Variants in CLCN6 observed in about 807,000 individuals in gnomAD.
The protein encoded by CLCN6 is H(+)/Cl(-) exchange transporter 6.
In CLCN6, 70 loss-of-function variants were observed where a neutral mutation model predicts 109.8. The observed-to-expected ratio is 0.64, with a 90% CI of 0.53 to 0.78. The LOEUF (loss-of-function observed/expected upper bound fraction) is 0.78, where lower values mean the gene tolerates loss of function less well. Among genes scored for constraint, CLCN6 ranks in the 30% least tolerant of loss-of-function variants. The pLI is 0.00. For missense variants in CLCN6, 984 were observed against 1,142.3 expected (o/e 0.86, Z 2.00); for synonymous variants, 444 against 447.8 (o/e 0.99, Z 0.11).
At chr1:11,827,316 TG>T in intron 10 of CLCN6, 95 bp downstream of exon 10, 2 of 1,219,544 alleles carry the variant, frequency 1.6e-6, no homozygotes, top group Non-Finnish European at 1.1e-6. Context: ...TTGATGAGAC[TG>T]GGGGGTCAAC....
intron 17 of CLCN6, 28 bp from the exon 18 acceptor site, chr1:11,835,939 G>C (rs1157152380): frequency 6.2e-7 from 1 of 1,604,238 alleles, no homozygotes; most frequent in Non-Finnish European, 8.5e-7. Flanking sequence ...ACTGTCATGA[G>C]GCTGGATGAC....
chr1:11,834,390 C>T lies in CLCN6; in HGVS notation c.1681C>T (p.Leu561=). 1.2e-6 allele frequency: 2 copies of T among 1,613,932 alleles called. No homozygotes were observed. Among genetic ancestry groups the T allele is most frequent in the South Asian group, 1.1e-5 (1 of 91,046 alleles). Residue 561 remains leucine, a synonymous_variant, in exon 16 of 23, where the codon CTG becomes TTG. Coordinates refer to ENST00000346436, the MANE Select transcript of CLCN6 (RefSeq NM_001286.5). The surrounding 1 kb of genome is among the most constrained non-coding windows in gnomAD (Gnocchi z 4.5). ...ITYGLPIMVT[L]MVAKWTGDFF... ...CTACGGGCTCCCCATCATGGTCACA[C>T]TGATGGTGAGCACACTCCCTCCAGG...
At chr1:11,812,374 T>G (rs1644610169) in intron 2 of CLCN6, among the ~76,000 whole-genome samples, 1 of 152,192 alleles carries the variant, frequency 6.6e-6, no homozygotes, top group Non-Finnish European at 1.5e-5. Context: ...TCCAGGAACC[T>G]CCAAACGGTT....
rs1644840087 is a variant in CLCN6, at chr1:11,828,460, C to T, written c.957C>T (p.Cys319=). 6.2e-7 allele frequency: 1 copy of T among 1,614,090 alleles called. No homozygotes were observed. The highest frequency in any genetic ancestry group is 8.5e-7 in the Non-Finnish European group (1 of 1,179,998). ...PGLLNFGEFK[C]SDSDKKCHLW... The stretch of plus-strand genomic sequence containing the variant: ...CTCTCCCTTTCCCCTTCTCTCAGTG[C>T]TCTGACTCTGATAAAAAATGTCATC... The change falls in exon 12 of 23, where the codon TGC becomes TGT. Residue 319 remains cysteine (C), a splice_region_variant and synonymous_variant. Transcript: ENST00000346436.
intron 2 of CLCN6, among the ~76,000 whole-genome samples, chr1:11,814,104 A>G (rs932374074): frequency 4.6e-5 from 7 of 152,336 alleles, no homozygotes; most frequent in African/African-American, 1.7e-4. Flanking sequence ...GTCACTCATC[A>G]CATGTGTTTG....
At chr1:11,837,252 G>A in intron 19 of CLCN6, 91 bp from the exon 20 acceptor site, 1 of 1,585,842 alleles carries the variant, frequency 6.3e-7, no homozygotes, top group South Asian at 1.1e-5. Flanking sequence ...TGAGTTTCCT[G>A]GGAAAGTTGG....
chr1:11,828,947 G>A (rs1210748763), intron 12 of CLCN6, among the ~76,000 whole-genome samples: 1 of 152,190 alleles, frequency 6.6e-6, no homozygotes, highest in Non-Finnish European at 1.5e-5. Flanking sequence ...TATTATAATG[G>A]AAAGCCATTC....
At chr1:11,838,791 C>A in intron 22 of CLCN6, 131 bp downstream of exon 22, 1 of 1,351,556 alleles carries the variant, frequency 7.4e-7, no homozygotes, top group Non-Finnish European at 1.1e-6. Context: ...CCAACACTAG[C>A]TTTGAACCCT....
intron 4 of CLCN6, among the ~76,000 whole-genome samples, chr1:11,817,458 A>G (rs899803705): frequency 1.3e-5 from 2 of 152,216 alleles, no homozygotes; most frequent in Non-Finnish European, 2.9e-5. Context: ...ATATGCCCGT[A>G]TGAACAGAGT....
intron 17 of CLCN6, among the ~76,000 whole-genome samples, chr1:11,835,381 T>G (rs1183469063): frequency 6.6e-6 from 1 of 152,176 alleles, no homozygotes. Flanking sequence ...CAAGCGATCC[T>G]CCACCTCAGC....
At chr1:11,831,982 A>G (rs1570536634) in intron 13 of CLCN6, among the ~76,000 whole-genome samples, 1 of 152,230 alleles carries the variant, frequency 6.6e-6, no homozygotes, top group Admixed American at 6.5e-5. Flanking sequence ...ACGTTCCTTT[A>G]GTACAGAACT....
intron 9 of CLCN6, 127 bp downstream of exon 9, chr1:11,826,341 G>A (rs1471208354): frequency 8.5e-5 from 64 of 755,678 alleles, no homozygotes; most frequent in Non-Finnish European, 1.4e-4. Flanking sequence ...AGAAGGGGGC[G>A]GGCTTTGAAC....
At chr1:11,832,087 C>A (rs1429476408) in intron 13 of CLCN6, among the ~76,000 whole-genome samples, 1 of 152,106 alleles carries the variant, frequency 6.6e-6, no homozygotes, top group Non-Finnish European at 1.5e-5. Context: ...TCATTTAATC[C>A]TTATCAGCAC....
At chr1:11,838,227 T>A in intron 20 of CLCN6, 108 bp from the exon 21 acceptor site, 1 of 988,234 alleles carries the variant, frequency 1.0e-6, no homozygotes, top group Non-Finnish European at 1.5e-6. Flanking sequence ...ACCACCTGCC[T>A]CAGCAGCCTG....
chr1:11,821,073 T>TAAA (rs1216520509), intron 5 of CLCN6, among the ~76,000 whole-genome samples: 74 of 123,072 alleles, frequency 6.0e-4, no homozygotes, highest in Middle Eastern at 4.6e-3. Context: ...CAAAACTGTC[T>TAAA]CAAAAAACAA....
chr1:11,807,445 TTAA>T (rs1644532049), intron 2 of CLCN6, among the ~76,000 whole-genome samples: 1 of 152,234 alleles, frequency 6.6e-6, no homozygotes, highest in African/African-American at 2.4e-5. Context: ...GTATTTGCCA[TTAA>T]ACTGTTTGCT....
rs955628962 is a variant in CLCN6, at chr1:11,823,938, A to G, written c.580+105A>G. 2.8e-6 allele frequency: 4 copies of G among 1,451,306 alleles called. No homozygotes were observed. The African/African-American group carries it at 4.2e-5, about 15-fold the overall frequency. The allele number at this position is 1,451,306 out of a possible 1,614,324, so 89.9% of individuals were successfully genotyped here. A position where few individuals can be genotyped will look rare whatever the true frequency, so the allele number is the denominator to read the frequency against. On this transcript the variant is annotated intron_variant, in intron 7 of 22. Coordinates refer to ENST00000346436, the MANE Select transcript of CLCN6 (RefSeq NM_001286.5). The stretch of plus-strand genomic sequence containing the variant: ...ATTTGGACTGCAGGGCCCAGCCTCA[A>G]ACAGCTGATGTCTGCACTTTTTGTT...
At position 11,837,578 on chromosome 1, in the gene CLCN6, A is replaced by G. The variant is rs1570543003; in HGVS notation, c.2295+79A>G. The stretch of plus-strand genomic sequence containing the variant: ...GGTTGGGCGCTGCCGGCGGGCCGTG[A>G]ACAGTGCCATAGGGAAAGCTGAATG... On this transcript the variant is annotated intron_variant, in intron 20 of 22. Coordinates refer to ENST00000346436, the MANE Select transcript of CLCN6 (RefSeq NM_001286.5). 5 of 1,431,668 alleles carry G rather than the reference A, an allele frequency of 3.5e-6. No homozygotes were observed. The East Asian group carries it at 9.3e-5, about 27-fold the overall frequency. The allele number at this position is 1,431,668 out of a possible 1,614,324, so 88.7% of individuals were successfully genotyped here. A position where few individuals can be genotyped will look rare whatever the true frequency, so the allele number is the denominator to read the frequency against.
In CLCN6 at chr1:11,832,797, C is replaced by T. The variant is rs573767661; in HGVS notation, c.1249-718C>T. Among the ~76,000 whole-genome samples the T allele has an allele frequency of 3.9e-5, 6 of 152,328 alleles. No homozygotes were observed. The East Asian group carries it at 1.2e-3, about 29-fold the overall frequency. ...CTGTCAACTAGAAAATAAAACAGCACACTTGAAACACCCTTGCCTTCTAGC... is the reference window on the plus strand; with the variant it reads ...CTGTCAACTAGAAAATAAAACAGCATACTTGAAACACCCTTGCCTTCTAGC... On this transcript the variant is annotated intron_variant, in intron 13 of 22. Coordinates refer to ENST00000346436, the MANE Select transcript of CLCN6 (RefSeq NM_001286.5).
Sources: gnomAD v4.1 joint callset for allele counts (sites outside exome capture counted in the v4.1 genomes callset) on GRCh38, gnomAD v4.1.1 for gene constraint, Gnocchi (gnomAD v3.1) non-coding constraint, MANE v1.5 for transcripts, NCBI Gene and HGNC (gene_info 2026-07-23, HGNC 2026-07-21) for gene names.